The following TRABD2B variants were observed in gnomAD, a reference collection of about 807,000 sequenced individuals.
TRABD2B encodes TraB domain containing 2B.
TRABD2B carries 14 observed loss-of-function variants against 40.1 expected under a neutral mutation model. The ratio of observed to expected loss-of-function variants is 0.35; its 90% CI spans 0.23 to 0.55. The LOEUF (loss-of-function observed/expected upper bound fraction) is 0.55, where lower values mean the gene tolerates loss of function less well. TRABD2B is among the 20% of genes least tolerant of loss of function. TRABD2B has a pLI of 0.90. For missense variants in TRABD2B, 541 were observed against 648.6 expected, an observed-to-expected ratio of 0.83 and a Z score of 1.80; for synonymous variants, 263 against 277.0, an observed-to-expected ratio of 0.95 and a Z score of 0.50.
chr1:47,809,409 C>T (rs2124336151), intron 2 of TRABD2B, among the ~76,000 whole-genome samples: 1 of 152,236 alleles, frequency 6.6e-6, no homozygotes, highest in African/African-American at 2.4e-5. Flanking sequence ...GTGAGTCGCC[C>T]GTCACAGGAC....
intron 2 of TRABD2B, among the ~76,000 whole-genome samples, chr1:47,980,857 T>C (rs1480641524): frequency 6.6e-6 from 1 of 152,146 alleles, no homozygotes; most frequent in Non-Finnish European, 1.5e-5. Flanking sequence ...GCCACAGCCT[T>C]CCTCAAGAGG....
At chr1:47,826,962 CCA>C (rs1255427701) in intron 2 of TRABD2B, among the ~76,000 whole-genome samples, 1 of 152,124 alleles carries the variant, frequency 6.6e-6, no homozygotes, top group East Asian at 1.9e-4. Flanking sequence ...GTAGTGACCC[CCA>C]CACACTGTGG....
At chr1:47,823,392 G>T (rs953790414) in intron 2 of TRABD2B, among the ~76,000 whole-genome samples, 2 of 152,242 alleles carry the variant, frequency 1.3e-5, no homozygotes, top group African/African-American at 4.8e-5. Context: ...AAGAGGAGAG[G>T]CTTCAGAGCT....
At chr1:47,923,235 C>G (rs1248901073) in intron 2 of TRABD2B, among the ~76,000 whole-genome samples, 1 of 152,256 alleles carries the variant, frequency 6.6e-6, no homozygotes, top group Non-Finnish European at 1.5e-5. Flanking sequence ...TTCTTACATG[C>G]TCTGTACTCC....
At chr1:47,800,484 G>A (rs1441847258) in intron 3 of TRABD2B, among the ~76,000 whole-genome samples, 1 of 152,214 alleles carries the variant, frequency 6.6e-6, no homozygotes, top group East Asian at 1.9e-4. Context: ...AGCCCAAGTG[G>A]TGTGCAGGAG....
intron 4 of TRABD2B, among the ~76,000 whole-genome samples, chr1:47,781,146 C>G (rs911713219): frequency 1.3e-5 from 2 of 152,220 alleles, no homozygotes; most frequent in Non-Finnish European, 2.9e-5. Flanking sequence ...CGGGAAGAGG[C>G]AGCCTCCAGC....
intron 2 of TRABD2B, among the ~76,000 whole-genome samples, chr1:47,928,621 C>T (rs540319286): frequency 6.6e-6 from 1 of 152,374 alleles, no homozygotes; most frequent in Non-Finnish European, 1.5e-5. Context: ...CTCTTAAAGT[C>T]TAGACTGACT....
At chr1:47,784,550 G>C (rs1253554479) in intron 4 of TRABD2B, among the ~76,000 whole-genome samples, 2 of 152,220 alleles carry the variant, frequency 1.3e-5, no homozygotes, top group Non-Finnish European at 2.9e-5. Context: ...TCCTGGAAGA[G>C]GCATCCCAAG....
chr1:47,982,248 C>A (rs1273041080), intron 2 of TRABD2B, among the ~76,000 whole-genome samples: 3 of 152,160 alleles, frequency 2.0e-5, no homozygotes, highest in Non-Finnish European at 4.4e-5. Context: ...ATGGGCTTCA[C>A]TTCAAGACAG....
At chr1:47,959,517 A>G (rs535649582) in intron 2 of TRABD2B, among the ~76,000 whole-genome samples, 13 of 152,360 alleles carry the variant, frequency 8.5e-5, no homozygotes, top group Admixed American at 3.3e-4. Context: ...TAAAAAAATG[A>G]TAAAGGGATA....
chr1:47,950,996 C>T (rs917390942), intron 2 of TRABD2B, among the ~76,000 whole-genome samples: 1 of 152,208 alleles, frequency 6.6e-6, no homozygotes, highest in Non-Finnish European at 1.5e-5. Flanking sequence ...CCACACAGAG[C>T]AGGCCTTCAA....
rs553852056 is a variant in TRABD2B, at chr1:47,807,182, C to T, written c.667-5563G>A. On this transcript the variant is annotated intron_variant, in intron 2 of 6. Coordinates refer to ENST00000606738, the MANE Select transcript of TRABD2B (RefSeq NM_001194986.2). ...ATTAAACTGGAAGTGAAGACTGCCA[C>T]CCAGCCACATGGATTCCTCACACCT... 2.0e-5 allele frequency among the ~76,000 whole-genome samples: 3 copies of T among 152,192 alleles called. No homozygotes were observed. In the South Asian group the frequency reaches 6.2e-4, roughly 32 times the overall value.
intron 4 of TRABD2B, among the ~76,000 whole-genome samples, chr1:47,793,381 C>T (rs946985356): frequency 1.5e-4 from 23 of 152,240 alleles, no homozygotes; most frequent in Admixed American, 5.9e-4. Flanking sequence ...GTCTCTACTA[C>T]GTGAGGGCTG....
intron 2 of TRABD2B, among the ~76,000 whole-genome samples, chr1:47,993,769 TGA>T (rs1192659433): frequency 6.6e-6 from 1 of 152,144 alleles, no homozygotes; most frequent in Admixed American, 6.5e-5. Flanking sequence ...GCACAGCAGG[TGA>T]GGAGTGTACA....
chr1:47,983,246 T>C (rs1185474943), intron 2 of TRABD2B, among the ~76,000 whole-genome samples: 1 of 152,108 alleles, frequency 6.6e-6, no homozygotes, highest in African/African-American at 2.4e-5. Flanking sequence ...AACCAAATAC[T>C]GCATGTTCTC....
chr1:47,967,481 T>C (rs577862869), intron 2 of TRABD2B, among the ~76,000 whole-genome samples: 1 of 152,284 alleles, frequency 6.6e-6, no homozygotes, highest in African/African-American at 2.4e-5. Context: ...ACTTGACTCC[T>C]AGAACAATAC....
At chr1:47,817,733 C>T (rs535838445) in intron 2 of TRABD2B, among the ~76,000 whole-genome samples, 3 of 152,278 alleles carry the variant, frequency 2.0e-5, no homozygotes, top group East Asian at 1.9e-4. Context: ...ACGGGCTCCT[C>T]GCAGGACATG....
At chr1:47,844,513 C>T (rs576718834) in intron 2 of TRABD2B, among the ~76,000 whole-genome samples, 1 of 152,312 alleles carries the variant, frequency 6.6e-6, no homozygotes, top group East Asian at 1.9e-4. Context: ...CAATGAACAT[C>T]TTTTGGGCCA....
chr1:47,800,914 A>G (rs893022925), intron 3 of TRABD2B, among the ~76,000 whole-genome samples: 11 of 152,228 alleles, frequency 7.2e-5, no homozygotes, highest in Non-Finnish European at 1.2e-4. Context: ...CAAGGCCAGC[A>G]GAGGGCACGT....
Sources: allele counts gnomAD v4.1 joint callset (sites outside exome capture counted in the v4.1 genomes callset), GRCh38; gene constraint gnomAD v4.1.1; transcripts MANE v1.5; gene names NCBI Gene and HGNC (gene_info 2026-07-23, HGNC 2026-07-21).